Variants in ABTB3 observed in about 807,000 individuals in gnomAD.
The protein encoded by ABTB3 is ankyrin repeat and BTB domain containing 3, also known as ankyrin repeat- and BTB/POZ domain-containing protein 3.
chr12:107,520,660 C>T, the ABTB3 span: 1 of 1,612,786 alleles, frequency 6.2e-7, no homozygotes. Context: ...GGTTCTCCAG[C>T]TCTCATGCCT....
At chr12:107,545,428 T>C in the ABTB3 span, among the ~76,000 whole-genome samples, 7 of 151,926 alleles carry the variant, frequency 4.6e-5, no homozygotes, top group African/African-American at 1.7e-4. Context: ...ATTTTTTTTG[T>C]AGAGACAGGG....
chr12:107,657,625 G>A, the ABTB3 span: 4 of 1,614,024 alleles, frequency 2.5e-6, no homozygotes, highest in African/African-American at 5.3e-5. Context: ...ATGGTGAAGG[G>A]ACCGGCCAGG....
At chr12:107,637,486 AC>A in the ABTB3 span, among the ~76,000 whole-genome samples, 1 of 152,380 alleles carries the variant, frequency 6.6e-6, no homozygotes, top group Admixed American at 6.5e-5. Flanking sequence ...GAAAAGGCAG[AC>A]CTGAGAGGCT....
chr12:107,339,708 TTGCATG>T, the ABTB3 span, among the ~76,000 whole-genome samples: 5 of 151,778 alleles, frequency 3.3e-5, no homozygotes, highest in African/African-American at 9.7e-5. Flanking sequence ...TGTGTGTATG[TTGCATG>T]TGCATGTGCC....
chr12:107,541,739 C>A, the ABTB3 span, among the ~76,000 whole-genome samples: 2 of 152,196 alleles, frequency 1.3e-5, no homozygotes, highest in South Asian at 2.1e-4. Flanking sequence ...CATAAGGGAA[C>A]AATAGACACT....
chr12:107,438,502 C>A, the ABTB3 span, among the ~76,000 whole-genome samples: 1 of 152,146 alleles, frequency 6.6e-6, no homozygotes, highest in Non-Finnish European at 1.5e-5. Flanking sequence ...TCTGAGCCTA[C>A]CAGAAACCTG....
chr12:107,610,561 C>T, the ABTB3 span, among the ~76,000 whole-genome samples: 2 of 152,232 alleles, frequency 1.3e-5, no homozygotes, highest in East Asian at 3.9e-4. Context: ...ATAGAAGTAG[C>T]ACATGATCAT....
At chr12:107,527,744 T>G in the ABTB3 span, among the ~76,000 whole-genome samples, 1 of 152,218 alleles carries the variant, frequency 6.6e-6, no homozygotes, top group Non-Finnish European at 1.5e-5. Flanking sequence ...CCTTCATCTC[T>G]CCTTCTCCAT....
the ABTB3 span, among the ~76,000 whole-genome samples, chr12:107,586,105 G>A: frequency 6.6e-5 from 10 of 152,230 alleles, no homozygotes; most frequent in Admixed American, 2.6e-4. Flanking sequence ...AGGAGGGAGG[G>A]ACAAGTCCAT....
At chr12:107,520,235 G>A in the ABTB3 span, 4 of 985,222 alleles carry the variant, frequency 4.1e-6, no homozygotes, top group Non-Finnish European at 3.6e-6. Context: ...TGTGTTCTTT[G>A]GAAATGTGTA....
chr12:107,575,944 A>C, the ABTB3 span, among the ~76,000 whole-genome samples: 4 of 152,156 alleles, frequency 2.6e-5, no homozygotes, highest in African/African-American at 9.7e-5. Flanking sequence ...CAATGAGAGA[A>C]CTGAGGCATG....
chr12:107,350,193 G>C, the ABTB3 span, among the ~76,000 whole-genome samples: 4 of 152,044 alleles, frequency 2.6e-5, no homozygotes, highest in African/African-American at 9.7e-5. Flanking sequence ...AACTAATTTA[G>C]GGGGGAAAAA....
the ABTB3 span, among the ~76,000 whole-genome samples, chr12:107,525,140 CAT>C: frequency 6.6e-6 from 1 of 151,726 alleles, no homozygotes; most frequent in Non-Finnish European, 1.5e-5. Flanking sequence ...TCTTGGGCAA[CAT>C]AGTGAGACTT....
the ABTB3 span, among the ~76,000 whole-genome samples, chr12:107,494,545 A>G: frequency 6.6e-6 from 1 of 152,200 alleles, no homozygotes; most frequent in South Asian, 2.1e-4. Flanking sequence ...CAAATGGCCC[A>G]GAGATAAGAC....
At chr12:107,646,158 C>A in the ABTB3 span, among the ~76,000 whole-genome samples, 21 of 152,258 alleles carry the variant, frequency 1.4e-4, no homozygotes, top group South Asian at 1.0e-3. Context: ...CCATTTGAAT[C>A]CCTGCTTCAT....
the ABTB3 span, among the ~76,000 whole-genome samples, chr12:107,609,733 G>T: frequency 4.6e-5 from 7 of 152,296 alleles, no homozygotes; most frequent in Non-Finnish European, 7.3e-5. Context: ...AGATAAACAG[G>T]CCAGCTCTCC....
At chr12:107,374,291 GAC>G in the ABTB3 span, among the ~76,000 whole-genome samples, 1 of 152,138 alleles carries the variant, frequency 6.6e-6, no homozygotes, top group African/African-American at 2.4e-5. Context: ...CTTCGCAACA[GAC>G]ACAGTTCCGG....
the ABTB3 span, among the ~76,000 whole-genome samples, chr12:107,386,211 C>T: frequency 1.2e-4 from 19 of 152,234 alleles, no homozygotes; most frequent in African/African-American, 4.6e-4. Context: ...CTCAATCAAT[C>T]ATCCTACCTG....
the ABTB3 span, among the ~76,000 whole-genome samples, chr12:107,485,534 T>C: frequency 8.9e-3 from 1,359 of 152,270 alleles, 18 homozygotes; most frequent in African/African-American, 0.031. Flanking sequence ...TGTCTCTCTG[T>C]ATGTGTTTAC....
Sources: allele counts gnomAD v4.1 joint callset (sites outside exome capture counted in the v4.1 genomes callset), GRCh38; gene constraint gnomAD v4.1.1; transcripts MANE v1.5; gene names NCBI Gene and HGNC (gene_info 2026-07-23, HGNC 2026-07-21).